Variants in ATP7A observed in about 807,000 individuals in gnomAD.
The protein encoded by ATP7A is ATPase copper transporting alpha, also known as copper-transporting ATPase 1.
ATP7A carries 7 observed loss-of-function variants against 83.5 expected under a neutral mutation model. That is an observed-to-expected ratio of 0.08 (90% CI 0.05 to 0.16). The LOEUF (loss-of-function observed/expected upper bound fraction) is 0.16. Among genes scored for constraint, ATP7A ranks in the 10% least tolerant of loss-of-function variants. The probability of loss-of-function intolerance (pLI) is 1.00; values close to 1 mark genes in which losing one functional copy is unlikely to be tolerated. For missense variants in ATP7A, 940 were observed against 1,120.8 expected, an observed-to-expected ratio of 0.84 and a Z score of 2.30; for synonymous variants, 354 against 395.2, an observed-to-expected ratio of 0.90 and a Z score of 1.24.
At chrX:77,964,582 G>A (rs1333037386) in intron 1 of ATP7A, 1 of 99,616 alleles carries the variant, frequency 1.0e-5, no homozygotes, top group Non-Finnish European at 2.0e-5. Flanking sequence ...CCCACCCCCC[G>A]ACAGGCCCCA....
At chrX:77,966,135 C>T (rs1276753655) in intron 1 of ATP7A, among the ~76,000 whole-genome samples, 2 of 111,848 alleles carry the variant, frequency 1.8e-5, no homozygotes, top group Non-Finnish European at 3.8e-5. Flanking sequence ...TTTAAATGTG[C>T]GAATTATATA....
At chrX:77,961,690 C>T (rs1027649958) in intron 1 of ATP7A, among the ~76,000 whole-genome samples, 1 of 111,009 alleles carries the variant, frequency 9.0e-6, no homozygotes, top group African/African-American at 3.3e-5. Context: ...TTTTTATACC[C>T]TTGTACTGCT....
chrX:77,965,901 T>G (rs782172001), intron 1 of ATP7A, among the ~76,000 whole-genome samples: 1 of 112,297 alleles, frequency 8.9e-6, no homozygotes, highest in South Asian at 3.7e-4. Flanking sequence ...GACCACATAT[T>G]ACATGATTTC....
intron 2 of ATP7A, among the ~76,000 whole-genome samples, chrX:77,987,444 TTG>T (rs3986431): frequency 0.017 from 1,490 of 85,751 alleles, 18 homozygotes; most frequent in East Asian, 0.027. Flanking sequence ...AACCCAGTAT[TTG>T]TGTGTGTGTG....
chrX:77,989,259 A>C lies in ATP7A; in HGVS notation c.637A>C (p.Ile213Leu). ...KVSLDNQEATIVYQPHLISVE... is the reference protein window; with the variant it reads ...KVSLDNQEATLVYQPHLISVE... ...CTCCCTGGACAATCAAGAAGCTACT[A>C]TTGTTTATCAACCTCATCTTATCTC... The change falls in exon 4 of 23, where the codon ATT (isoleucine) becomes CTT (leucine). Residue 213 changes from isoleucine to leucine, a missense_variant. Coordinates refer to ENST00000341514, the MANE Select transcript of ATP7A (RefSeq NM_000052.7). 8.3e-7 allele frequency: 1 copy of C among 1,206,269 alleles called. No homozygotes were observed. Among genetic ancestry groups the C allele is most frequent in the East Asian group, 3.0e-5 (1 of 33,761 alleles).
chrX:77,942,299 G>C (rs940769675), intron 1 of ATP7A, among the ~76,000 whole-genome samples: 7 of 111,988 alleles, frequency 6.3e-5, no homozygotes, highest in Admixed American at 9.5e-5. Context: ...CCCATGTCTT[G>C]TTCCTAATTT....
chrX:78,012,771 A>T, intron 9 of ATP7A, 108 bp from the exon 10 acceptor site: 1 of 690,146 alleles, frequency 1.4e-6, no homozygotes, highest in South Asian at 2.2e-5. Context: ...GTGTTTATGG[A>T]TTAGCTAAAA....
rs192358938 is a variant in ATP7A at position 77,920,737 on chromosome X, A to G, written c.-22+9902A>G. Among the ~76,000 whole-genome samples, 163 of 110,924 alleles carry G rather than the reference A, an allele frequency of 1.5e-3. 3 individuals are homozygous for G. The Admixed American group carries it at 0.015, about 10-fold the overall frequency. ...ATTGATGGGCACCTAGGTTGATTCT[A>G]TGTCTTTATTATTGTGAATAGTGCT... On this transcript the variant is annotated intron_variant, in intron 1 of 22. Transcript: ENST00000341514.
At chrX:77,932,842 C>G (rs1236078960) in intron 1 of ATP7A, among the ~76,000 whole-genome samples, 1 of 111,423 alleles carries the variant, frequency 9.0e-6, no homozygotes, top group Admixed American at 9.5e-5. Context: ...TGCAGTGAGC[C>G]GAGATGGCAG....
intron 2 of ATP7A, among the ~76,000 whole-genome samples, chrX:77,986,235 A>G (rs1426692396): frequency 8.9e-6 from 1 of 111,958 alleles, no homozygotes; most frequent in Non-Finnish European, 1.9e-5. Context: ...TGCCATGGGT[A>G]CATTTCACAT....
intron 1 of ATP7A, among the ~76,000 whole-genome samples, chrX:77,946,648 A>T (rs1376681323): frequency 2.8e-5 from 3 of 108,156 alleles, no homozygotes; most frequent in African/African-American, 1.0e-4. Context: ...GTTAATTTTG[A>T]TTCTTCAATT....
chrX:77,991,159 A>T (rs1557232039), intron 4 of ATP7A, among the ~76,000 whole-genome samples: 1 of 111,441 alleles, frequency 9.0e-6, no homozygotes, highest in African/African-American at 3.3e-5. Context: ...ATCACTATAT[A>T]ATTTTAGAAC....
intron 14 of ATP7A, among the ~76,000 whole-genome samples, chrX:78,022,478 T>C (rs1557235893): frequency 1.0e-5 from 1 of 96,703 alleles, no homozygotes; most frequent in African/African-American, 3.8e-5. Context: ...ATTCAGGAGG[T>C]ACATGTGCAT....
rs782525566 is a variant in ATP7A, at chrX:78,010,362, A to G, written c.1870-814A>G. Among the ~76,000 whole-genome samples the G allele has an allele frequency of 6.3e-5, 7 of 111,916 alleles. No individual in the cohort carries two copies. In the South Asian group the frequency reaches 2.6e-3, roughly 41 times the overall value. ...GTTCTATTCACTGTGCACTGCCAACAAATGTAAGATGGCAGCATTTCCCCT... is the reference window on the plus strand; with the variant it reads ...GTTCTATTCACTGTGCACTGCCAACGAATGTAAGATGGCAGCATTTCCCCT... On this transcript the variant is annotated intron_variant, in intron 7 of 22. Coordinates refer to ENST00000341514, the MANE Select transcript of ATP7A (RefSeq NM_000052.7).
At chrX:77,969,600 C>T (rs782711346) in intron 1 of ATP7A, 1 of 1,212,018 alleles carries the variant, frequency 8.3e-7, no homozygotes, top group South Asian at 1.8e-5. Context: ...TCCATGTGCT[C>T]TCGCCGTGCC....
At chrX:77,975,339 G>T (rs1449950528) in intron 2 of ATP7A, among the ~76,000 whole-genome samples, 3 of 109,659 alleles carry the variant, frequency 2.7e-5, no homozygotes, top group African/African-American at 1.0e-4. Context: ...TATTTAGTTT[G>T]TTTTTGAACA....
At chrX:77,940,749 G>T (rs1300153290) in intron 1 of ATP7A, among the ~76,000 whole-genome samples, 1 of 111,949 alleles carries the variant, frequency 8.9e-6, no homozygotes, top group African/African-American at 3.2e-5. Flanking sequence ...AAATAAAAAT[G>T]CACAATGGAA....
At chrX:77,953,906 G>A (rs782818995) in intron 1 of ATP7A, among the ~76,000 whole-genome samples, 1 of 112,113 alleles carries the variant, frequency 8.9e-6, no homozygotes, top group African/African-American at 3.2e-5. Context: ...TTCTATTTAC[G>A]TAGCAGGATT....
chrX:78,000,998 G>T (rs1163132022), intron 5 of ATP7A, among the ~76,000 whole-genome samples: 2 of 111,923 alleles, frequency 1.8e-5, no homozygotes, highest in Non-Finnish European at 3.8e-5. Flanking sequence ...AACAGAAAGA[G>T]TTCTTATTAT....
Sources: allele counts gnomAD v4.1 joint callset (sites outside exome capture counted in the v4.1 genomes callset), GRCh38; gene constraint gnomAD v4.1.1; transcripts MANE v1.5; gene names NCBI Gene and HGNC (gene_info 2026-07-23, HGNC 2026-07-21).